ADAMTS18: variants seen among roughly 807,000 people sequenced by gnomAD.
ADAMTS18 encodes A disintegrin and metalloproteinase with thrombospondin motifs 18.
ADAMTS18 carries 157 observed loss-of-function variants against 165.9 expected under a neutral mutation model. The ratio of observed to expected loss-of-function variants is 0.95; its 90% CI spans 0.83 to 1.08. ADAMTS18 has a LOEUF of 1.08. Among genes scored for constraint, ADAMTS18 ranks in the 50% least tolerant of loss-of-function variants. The pLI is 0.00. For synonymous variants in ADAMTS18, 782 were observed against 578.2 expected, an observed-to-expected ratio of 1.35 and a Z score of -5.06; for missense variants, 2,040 against 1,534.0, an observed-to-expected ratio of 1.33 and a Z score of -5.51.
chr16:77,326,786 C>T (rs944270130), intron 12 of ADAMTS18, among the ~76,000 whole-genome samples: 2 of 152,174 alleles, frequency 1.3e-5, no homozygotes, highest in Admixed American at 6.5e-5. Flanking sequence ...AATTGCGTCT[C>T]GCAGGGGTTT....
chr16:77,334,609 A>G (rs1238818514), intron 12 of ADAMTS18, among the ~76,000 whole-genome samples: 4 of 110,464 alleles, frequency 3.6e-5, no homozygotes, highest in African/African-American at 1.5e-4. Context: ...ATATACTACT[A>G]TAGTATATAG....
At chr16:77,320,135 C>T in intron 15 of ADAMTS18, 42 bp from the exon 16 acceptor site, 2 of 1,613,052 alleles carry the variant, frequency 1.2e-6, no homozygotes. Context: ...CCACCCCATG[C>T]ATTGGAGAAA....
At chr16:77,321,032 G>C in intron 15 of ADAMTS18, 47 bp downstream of exon 15, 1 of 1,613,352 alleles carries the variant, frequency 6.2e-7, no homozygotes, top group East Asian at 2.2e-5. Flanking sequence ...TTGTTTGGTA[G>C]CAAAAGTTGT....
intron 16 of ADAMTS18, among the ~76,000 whole-genome samples, chr16:77,300,948 A>G (rs1433694173): frequency 1.3e-5 from 2 of 152,222 alleles, no homozygotes; most frequent in Admixed American, 6.5e-5. Context: ...TAGAGTTGCT[A>G]TCATCAACTT....
chr16:77,301,433 G>A (rs1160987074), intron 16 of ADAMTS18, among the ~76,000 whole-genome samples: 1 of 152,216 alleles, frequency 6.6e-6, no homozygotes, highest in Non-Finnish European at 1.5e-5. Flanking sequence ...CCTTCTTAAT[G>A]CCCTCTTAAC....
chr16:77,337,490 G>C (rs1248135959), intron 11 of ADAMTS18, among the ~76,000 whole-genome samples: 1 of 152,190 alleles, frequency 6.6e-6, no homozygotes, highest in Admixed American at 6.6e-5. Flanking sequence ...AACTTGCTCA[G>C]AGTGACACAA....
intron 15 of ADAMTS18, among the ~76,000 whole-genome samples, chr16:77,320,372 A>C (rs762931697): frequency 2.6e-5 from 4 of 152,174 alleles, no homozygotes; most frequent in Non-Finnish European, 5.9e-5. Flanking sequence ...AAAGGCCACA[A>C]AATTCAAGAA....
At chr16:77,393,403 G>A (rs1396422413) in intron 3 of ADAMTS18, among the ~76,000 whole-genome samples, 1 of 152,156 alleles carries the variant, frequency 6.6e-6, no homozygotes, top group Admixed American at 6.5e-5. Flanking sequence ...GAATGGACAG[G>A]GTTCTAAACC....
At position 77,294,046 on chromosome 16, in the gene ADAMTS18, C is replaced by T. The variant is rs909819435; in HGVS notation, c.3007-788G>A. ...AAATTAATCAGAAAGCAGCACCCTCCAGCATGTAATATACGCTAAAGGAAA... is the reference window on the plus strand; with the variant it reads ...AAATTAATCAGAAAGCAGCACCCTCTAGCATGTAATATACGCTAAAGGAAA... On this transcript the variant is annotated intron_variant, in intron 19 of 22. Transcript: ENST00000282849. Among the ~76,000 whole-genome samples, 23 of 143,812 alleles carry T rather than the reference C, an allele frequency of 1.6e-4. No individual in the cohort carries two copies. In the Admixed American group the frequency reaches 1.6e-3, roughly 10 times the overall value. 94.3% of individuals were successfully genotyped at this position (143,812 alleles called of 152,430 possible).
chr16:77,415,191 C>T (rs1267067751), intron 3 of ADAMTS18, among the ~76,000 whole-genome samples: 1 of 152,228 alleles, frequency 6.6e-6, no homozygotes. Flanking sequence ...ATTGCGTCTA[C>T]CTGTCAGCCA....
Position 77,341,690 on chromosome 16 carries a change from A to G in ADAMTS18, c.1710+14T>C. Reference sequence around the variant, plus strand: ...AAATTTCTGGAGCTAAAAACTAACAAGTATGCAGTTTACCATACTCAAGCC... The same window carrying G: ...AAATTTCTGGAGCTAAAAACTAACAGGTATGCAGTTTACCATACTCAAGCC... On this transcript the variant is annotated intron_variant, in intron 11 of 22. Coordinates refer to ENST00000282849, the MANE Select transcript of ADAMTS18 (RefSeq NM_199355.4). 5 of 1,609,450 alleles carry G rather than the reference A, an allele frequency of 3.1e-6. No homozygotes were observed. Among genetic ancestry groups the G allele is most frequent in the Non-Finnish European group, 4.2e-6 (5 of 1,176,602 alleles).
chr16:77,384,911 T>TTTG (rs1303286086), intron 3 of ADAMTS18, among the ~76,000 whole-genome samples: 10 of 117,932 alleles, frequency 8.5e-5, no homozygotes, highest in Non-Finnish European at 1.8e-4. Flanking sequence ...TCAGATAAGG[T>TTTG]TTTTTTTTTT....
At chr16:77,405,180 A>T (rs2057378386) in intron 3 of ADAMTS18, among the ~76,000 whole-genome samples, 1 of 152,188 alleles carries the variant, frequency 6.6e-6, no homozygotes, top group African/African-American at 2.4e-5. Flanking sequence ...GACTCCTCAG[A>T]CACATGTTGA....
chr16:77,390,371 G>C (rs2057168700), intron 3 of ADAMTS18, among the ~76,000 whole-genome samples: 1 of 133,772 alleles, frequency 7.5e-6, no homozygotes, highest in Non-Finnish European at 1.7e-5. Context: ...AGAGCCATTG[G>C]TCTCACTTTT....
At chr16:77,308,074 G>A (rs771499098) in intron 16 of ADAMTS18, among the ~76,000 whole-genome samples, 9 of 152,140 alleles carry the variant, frequency 5.9e-5, no homozygotes, top group Non-Finnish European at 1.5e-5. Context: ...GAGAAAGGCT[G>A]CTGTCGTTTT....
intron 3 of ADAMTS18, among the ~76,000 whole-genome samples, chr16:77,410,022 A>G (rs944713891): frequency 6.6e-6 from 1 of 152,150 alleles, no homozygotes; most frequent in African/African-American, 2.4e-5. Context: ...TAGATCTATT[A>G]AATTTTGATG....
In ADAMTS18 at chr16:77,354,943, C is replaced by T. The variant is rs141136685; in HGVS notation, c.1460+997G>A. 4.4e-3 allele frequency among the ~76,000 whole-genome samples: 671 copies of T among 152,250 alleles called. 4 individuals are homozygous for T. Among genetic ancestry groups the T allele is most frequent in the African/African-American group, 0.015 (641 of 41,538 alleles). On this transcript the variant is annotated intron_variant, in intron 9 of 22. Transcript: ENST00000282849. ...AAAACTAATAGGAAAATCTTCATGGCAAAGCTTACTAACAAAAAGTCTGTT... is the reference window on the plus strand; with the variant it reads ...AAAACTAATAGGAAAATCTTCATGGTAAAGCTTACTAACAAAAAGTCTGTT...
intron 12 of ADAMTS18, among the ~76,000 whole-genome samples, chr16:77,333,946 T>C (rs1434942271): frequency 2.1e-5 from 3 of 142,750 alleles, no homozygotes; most frequent in Non-Finnish European, 4.5e-5. Flanking sequence ...TAATATATAG[T>C]GTCATATATA....
At chr16:77,329,050 A>C (rs2056143477) in intron 12 of ADAMTS18, among the ~76,000 whole-genome samples, 2 of 151,908 alleles carry the variant, frequency 1.3e-5, no homozygotes, top group Non-Finnish European at 2.9e-5. Context: ...GAAAGAATAG[A>C]CAGTAAGGTG....
Sources: allele counts gnomAD v4.1 joint callset (sites outside exome capture counted in the v4.1 genomes callset), GRCh38; gene constraint gnomAD v4.1.1; transcripts MANE v1.5; gene names NCBI Gene and HGNC (gene_info 2026-07-23, HGNC 2026-07-21).